HDC: variants seen among roughly 807,000 people sequenced by gnomAD.
HDC encodes histidine decarboxylase.
HDC carries 27 observed loss-of-function variants against 64.4 expected under a neutral mutation model. The observed-to-expected ratio is 0.42, with a 90% CI of 0.31 to 0.58. HDC has a LOEUF of 0.58. Among genes scored for constraint, HDC ranks in the 20% least tolerant of loss-of-function variants. HDC has a pLI of 0.16. For synonymous variants in HDC, 305 were observed against 314.2 expected, an observed-to-expected ratio of 0.97 and a Z score of 0.31; for missense variants, 711 against 833.9, an observed-to-expected ratio of 0.85 and a Z score of 1.81.
Position 50,248,246 on chromosome 15 carries a change from T to A in HDC, c.1139A>T (p.His380Leu), listed in dbSNP as rs2045508398. The change falls in exon 10 of 12, where the codon CAT (histidine) becomes CTT (leucine). Residue 380 changes from histidine (H) to leucine (L), a missense_variant and splice_region_variant. Physicochemically the swap from His to Leu is moderately conservative, Grantham distance 99. Around this residue, in one of 3 missense-constraint regions of HDC, gnomAD observed 483 missense variants for 540.9 expected, o/e 0.89. Transcript: ENST00000267845. This position sits in a 1 kb window ranked among gnomAD's most constrained non-coding sequence, Gnocchi z 4.3. ...CCCCCACAGCAGCATGCTACATACA[T>A]GTCTGACATGTGCTTGAAGATTCTT... ...GVKNLQAHVR[H>L]GTEMAKYFES... 2 of 1,603,762 alleles carry A rather than the reference T, an allele frequency of 1.2e-6. No individual in the cohort carries two copies. The highest frequency in any genetic ancestry group is 1.7e-6 in the Non-Finnish European group (2 of 1,170,538).
chr15:50,259,984 C>T (rs543706383), intron 2 of HDC, among the ~76,000 whole-genome samples: 57 of 152,124 alleles, frequency 3.7e-4, no homozygotes, highest in African/African-American at 1.3e-3. Flanking sequence ...AACTTAAGCT[C>T]CAACATACCA....
intron 1 of HDC, among the ~76,000 whole-genome samples, chr15:50,263,962 T>G (rs2140944888): frequency 6.6e-6 from 1 of 152,226 alleles, no homozygotes; most frequent in East Asian, 1.9e-4. Flanking sequence ...AAGTGAAACG[T>G]TTCATTTTCT....
In HDC at chr15:50,257,393, C is replaced by A. The variant is rs963898384; in HGVS notation, c.441+32G>T. The A allele has an allele frequency of 3.1e-6, 5 of 1,613,998 alleles. No homozygotes were observed. In the Admixed American group the frequency reaches 8.3e-5, roughly 27 times the overall value. ...GGCTTGTCTTTCGCTACTTAGCCCC[C>A]AAGCTAGGTGAAGCTTTGCCAAGGG... On this transcript the variant is annotated intron_variant, in intron 4 of 11. Transcript: ENST00000267845.
intron 10 of HDC, among the ~76,000 whole-genome samples, chr15:50,247,375 T>C (rs896189068): frequency 6.6e-6 from 1 of 152,234 alleles, no homozygotes; most frequent in African/African-American, 2.4e-5. Flanking sequence ...GTAATTATTA[T>C]GTAAGCATAA....
chr15:50,264,307 C>A (rs923645970), intron 1 of HDC, among the ~76,000 whole-genome samples: 2 of 152,116 alleles, frequency 1.3e-5, no homozygotes, highest in African/African-American at 4.8e-5. Flanking sequence ...TGTATAATTT[C>A]TGAGGCTCAC....
chr15:50,249,030 C>T (rs2045519617), intron 9 of HDC, among the ~76,000 whole-genome samples: 1 of 152,166 alleles, frequency 6.6e-6, no homozygotes, highest in Admixed American at 6.5e-5. Flanking sequence ...CAAGATGACC[C>T]CTATTTAACC....
intron 10 of HDC, among the ~76,000 whole-genome samples, chr15:50,243,511 G>A (rs187302644): frequency 6.6e-6 from 1 of 152,322 alleles, no homozygotes; most frequent in Non-Finnish European, 1.5e-5. Context: ...GAACCCAGAA[G>A]GCATGTGCTT....
chr15:50,251,062 T>C (rs1344684772), intron 9 of HDC, among the ~76,000 whole-genome samples: 1 of 152,252 alleles, frequency 6.6e-6, no homozygotes, highest in Non-Finnish European at 1.5e-5. Context: ...GACACTGCTC[T>C]CAGCACTTCA....
At chr15:50,252,865 G>T in intron 7 of HDC, 91 bp from the exon 8 acceptor site, 1 of 1,327,848 alleles carries the variant, frequency 7.5e-7, no homozygotes, top group Non-Finnish European at 1.0e-6. Context: ...GGGCTGCAAG[G>T]ATGATGTGCT....
At chr15:50,244,669 C>T (rs1038323274) in intron 10 of HDC, 1 of 152,222 alleles carries the variant, frequency 6.6e-6, no homozygotes, top group Non-Finnish European at 1.5e-5. Flanking sequence ...GCCCCTTTCT[C>T]CCCTGCGTGG....
Position 50,248,368 on chromosome 15 carries a change from C to G in HDC, c.1042-25G>C, listed in dbSNP as rs781453580. ...GCTAGAAACAAAGGAACACAGTGCC[C>G]AAGGTTAGAGACAAGGGTGCCCCAC... On this transcript the variant is annotated intron_variant, in intron 9 of 11. Transcript: ENST00000267845. The surrounding 1 kb of genome is among the most constrained non-coding windows in gnomAD (Gnocchi z 4.3). The G allele has an allele frequency of 6.4e-7, 1 of 1,562,632 alleles. No individual in the cohort carries two copies. The highest frequency in any genetic ancestry group is 8.8e-7 in the Non-Finnish European group (1 of 1,133,808).
chr15:50,263,656 C>T (rs1039499686), intron 1 of HDC, among the ~76,000 whole-genome samples: 2 of 151,992 alleles, frequency 1.3e-5, no homozygotes, highest in Non-Finnish European at 2.9e-5. Flanking sequence ...AAAAATTAGC[C>T]GGGCGTGGTG....
intron 5 of HDC, 95 bp downstream of exon 5, chr15:50,254,435 C>G: frequency 6.4e-7 from 1 of 1,561,232 alleles, no homozygotes; most frequent in Admixed American, 1.7e-5. Context: ...GCTCAGAACC[C>G]CAGCGTACTC....
chr15:50,256,830 C>T (rs2140937949), intron 4 of HDC, among the ~76,000 whole-genome samples: 1 of 152,298 alleles, frequency 6.6e-6, no homozygotes, highest in African/African-American at 2.4e-5. Flanking sequence ...TCTCAAAGGT[C>T]TTAGAACCAA....
chr15:50,260,322 CCTT>C (rs2045686220), intron 2 of HDC, among the ~76,000 whole-genome samples: 2 of 152,074 alleles, frequency 1.3e-5, no homozygotes, highest in Middle Eastern at 3.2e-3. Flanking sequence ...TGTCCGGCCT[CCTT>C]CTTTTTTGTT....
intron 1 of HDC, among the ~76,000 whole-genome samples, chr15:50,264,914 G>T (rs1277397801): frequency 2.0e-5 from 3 of 152,190 alleles, no homozygotes; most frequent in Admixed American, 6.5e-5. Context: ...CCACTCAGAA[G>T]ATAAATATCC....
In HDC at chr15:50,263,350, A is replaced by C; in HGVS notation, c.89T>G (p.Val30Gly). The change falls in exon 2 of 12, where the codon GTG becomes GGG. Residue 30 changes from valine to glycine, a missense_variant. This residue lies in a region of HDC where 225 missense variants were observed against 276.2 expected (regional missense o/e 0.81). Coordinates refer to ENST00000267845, the MANE Select transcript of HDC (RefSeq NM_002112.4). ...QYLSTVRERR[V>G]TPDVQPGYLR... ...GTAGCCAGGCTGCACGTCTGGCGTC[A>C]CACGTCTCTCCCGCACAGTGCTCAG... 6.2e-7 allele frequency: 1 copy of C among 1,614,148 alleles called. No homozygotes were observed. The highest frequency in any genetic ancestry group is 8.5e-7 in the Non-Finnish European group (1 of 1,180,006).
chr15:50,243,748 C>T (rs1176658362), intron 10 of HDC, among the ~76,000 whole-genome samples: 1 of 152,236 alleles, frequency 6.6e-6, no homozygotes, highest in Non-Finnish European at 1.5e-5. Context: ...TCACTTGCCT[C>T]TCAAACCTCT....
intron 10 of HDC, among the ~76,000 whole-genome samples, chr15:50,245,673 T>A (rs547377304): frequency 4.1e-4 from 63 of 152,238 alleles, no homozygotes; most frequent in African/African-American, 1.4e-3. Context: ...GGTAGGCAGA[T>A]TGCTTGAGCC....
Sources: allele counts gnomAD v4.1 joint callset (sites outside exome capture counted in the v4.1 genomes callset), GRCh38; gene constraint gnomAD v4.1.1; regional missense constraint gnomAD v4.1.1; non-coding constraint Gnocchi (gnomAD v3.1); transcripts MANE v1.5; gene names NCBI Gene and HGNC (gene_info 2026-07-23, HGNC 2026-07-21).